The following FMNL2 variants were observed in gnomAD, a reference collection of about 807,000 sequenced individuals.
The protein encoded by FMNL2 is formin like 2, also known as formin-like protein 2.
FMNL2 carries 51 observed loss-of-function variants against 130.2 expected under a neutral mutation model. The ratio of observed to expected loss-of-function variants is 0.39; its 90% CI spans 0.31 to 0.49. The LOEUF is 0.49. Ranked by LOEUF, FMNL2 falls within the 20% of genes least tolerant of loss-of-function variation. The pLI is 0.85. For missense variants in FMNL2, 977 were observed against 1,316.2 expected, an observed-to-expected ratio of 0.74 and a Z score of 3.99; for synonymous variants, 465 against 467.1, an observed-to-expected ratio of 1.00 and a Z score of 0.06.
At chr2:152,471,552 G>T (rs964707556) in intron 1 of FMNL2, among the ~76,000 whole-genome samples, 1 of 152,190 alleles carries the variant, frequency 6.6e-6, no homozygotes, top group Non-Finnish European at 1.5e-5. Flanking sequence ...GTCCACGTGG[G>T]GGTGGGCGTC....
At chr2:152,454,829 G>A (rs563005620) in intron 1 of FMNL2, among the ~76,000 whole-genome samples, 1 of 152,314 alleles carries the variant, frequency 6.6e-6, no homozygotes, top group East Asian at 1.9e-4. Flanking sequence ...CAAAGAAGGG[G>A]CAATAACCTC....
chr2:152,516,655 G>A (rs1692786320), intron 1 of FMNL2, among the ~76,000 whole-genome samples: 3 of 152,146 alleles, frequency 2.0e-5, no homozygotes, highest in Admixed American at 1.3e-4. Flanking sequence ...TGAGCCTTGA[G>A]AATATTTGGG....
chr2:152,377,412 G>T (rs1684233146), intron 1 of FMNL2, among the ~76,000 whole-genome samples: 1 of 152,170 alleles, frequency 6.6e-6, no homozygotes, highest in African/African-American at 2.4e-5. Context: ...CTTTTAAAGA[G>T]TTCTTGTTGA....
chr2:152,586,714 CA>C (rs1697098318), intron 9 of FMNL2, among the ~76,000 whole-genome samples: 1 of 152,116 alleles, frequency 6.6e-6, no homozygotes, highest in Non-Finnish European at 1.5e-5. Flanking sequence ...TCTAATTAAC[CA>C]AGATTCTTCT....
intron 20 of FMNL2, among the ~76,000 whole-genome samples, chr2:152,631,589 G>A (rs1682173751): frequency 6.6e-6 from 1 of 152,028 alleles, no homozygotes; most frequent in African/African-American, 2.4e-5. Context: ...CACGTGCGAG[G>A]TTTTATCATG....
At chr2:152,565,629 C>CA (rs781682936) in intron 6 of FMNL2, among the ~76,000 whole-genome samples, 4 of 152,190 alleles carry the variant, frequency 2.6e-5, no homozygotes, top group Admixed American at 6.5e-5. Flanking sequence ...CCATAGTTTA[C>CA]ATATTCCCAT....
At chr2:152,433,693 G>C (rs1235781699) in intron 1 of FMNL2, among the ~76,000 whole-genome samples, 1 of 152,146 alleles carries the variant, frequency 6.6e-6, no homozygotes, top group Non-Finnish European at 1.5e-5. Flanking sequence ...GGGAAAACTT[G>C]TCACCACCTT....
chr2:152,609,326 C>T (rs772103897), intron 10 of FMNL2, among the ~76,000 whole-genome samples: 7 of 152,244 alleles, frequency 4.6e-5, no homozygotes, highest in South Asian at 2.1e-4. Flanking sequence ...ACCTGTTTTC[C>T]GAAGAGAAAT....
At chr2:152,368,774 T>G (rs2105849672) in intron 1 of FMNL2, among the ~76,000 whole-genome samples, 1 of 152,306 alleles carries the variant, frequency 6.6e-6, no homozygotes, top group East Asian at 1.9e-4. Context: ...TTATTTTTGG[T>G]GACTGCTTTA....
At chr2:152,400,664 A>G (rs753474023) in intron 1 of FMNL2, among the ~76,000 whole-genome samples, 3 of 152,128 alleles carry the variant, frequency 2.0e-5, no homozygotes, top group South Asian at 2.1e-4. Context: ...TAACCTTAAC[A>G]CTATTTATGC....
chr2:152,611,683 G>A, intron 11 of FMNL2, 78 bp downstream of exon 11: 1 of 928,178 alleles, frequency 1.1e-6, no homozygotes, highest in Middle Eastern at 2.1e-4. Context: ...CGCTTCCATA[G>A]CAGCTAAAGA....
chr2:152,632,220 T>C (rs1682222827), intron 21 of FMNL2, 83 bp downstream of exon 21: 2 of 1,521,376 alleles, frequency 1.3e-6, no homozygotes, highest in South Asian at 1.3e-5. Context: ...TTAAACACTT[T>C]TCAGAACCCA....
At chr2:152,500,869 A>T (rs6714213) in intron 1 of FMNL2, among the ~76,000 whole-genome samples, 1 of 151,998 alleles carries the variant, frequency 6.6e-6, no homozygotes, top group Non-Finnish European at 1.5e-5. Context: ...TCGGATGTCT[A>T]CAGGAGTCAG....
chr2:152,522,257 A>G (rs1296596056), intron 2 of FMNL2, among the ~76,000 whole-genome samples: 1 of 152,230 alleles, frequency 6.6e-6, no homozygotes, highest in African/African-American at 2.4e-5. Flanking sequence ...AAAATTGGGA[A>G]TATTTGATTA....
intron 25 of FMNL2, among the ~76,000 whole-genome samples, chr2:152,642,174 T>G (rs1683147832): frequency 6.6e-6 from 1 of 152,192 alleles, no homozygotes. Context: ...TCTCCTGACC[T>G]CGTGATCTGC....
chr2:152,567,691 T>C (rs772080801), intron 6 of FMNL2, among the ~76,000 whole-genome samples: 2 of 152,220 alleles, frequency 1.3e-5, no homozygotes, highest in Non-Finnish European at 2.9e-5. Context: ...CTTGGAACCA[T>C]AAAAGACTGG....
chr2:152,645,718 C>A (rs533904497), intron 25 of FMNL2, among the ~76,000 whole-genome samples: 1 of 149,606 alleles, frequency 6.7e-6, no homozygotes, highest in Non-Finnish European at 1.5e-5. Context: ...AGTGTGATGG[C>A]TTGGGCAAGG....
In FMNL2 at chr2:152,648,133, A is replaced by G. The variant is rs1683780616; in HGVS notation, c.*228A>G. ...AGATTAATCAAAGCAATAGGATTTG[A>G]TTTGATTAGGTATCTTTTTACACCA... On this transcript the variant is annotated 3_prime_UTR_variant, in exon 26 of 26. Coordinates refer to ENST00000288670, the MANE Select transcript of FMNL2 (RefSeq NM_052905.4). The G allele has an allele frequency of 8.3e-6, 4 of 479,088 alleles. No individual in the cohort carries two copies. The highest frequency in any genetic ancestry group is 3.8e-5 in the Admixed American group (1 of 26,116). 29.7% of individuals were successfully genotyped at this position (479,088 alleles called of 1,614,324 possible). A position where few individuals can be genotyped will look rare whatever the true frequency, so the allele number is the denominator to read the frequency against.
In FMNL2 at chr2:152,367,075, T is replaced by G. The variant is rs147759381; in HGVS notation, c.117+31355T>G. On this transcript the variant is annotated intron_variant, in intron 1 of 25. Coordinates refer to ENST00000288670, the MANE Select transcript of FMNL2 (RefSeq NM_052905.4). ...ACCCTGTTATTGTGTGTGTGTGTGT[T>G]TGTTTTTTTTTTTTTTCCCAGATGG... Among the ~76,000 whole-genome samples, 232 of 45,816 alleles carry G rather than the reference T, an allele frequency of 5.1e-3. 4 individuals are homozygous for G. The East Asian group carries it at 0.073, about 14-fold the overall frequency. The allele number at this position is 45,816 out of a possible 152,430, so 30.1% of individuals were successfully genotyped here.
Sources: allele counts gnomAD v4.1 joint callset (sites outside exome capture counted in the v4.1 genomes callset), GRCh38; gene constraint gnomAD v4.1.1; transcripts MANE v1.5; gene names NCBI Gene and HGNC (gene_info 2026-07-23, HGNC 2026-07-21).